Variants in SAMD12 observed in about 807,000 individuals in gnomAD.
SAMD12 encodes the protein sterile alpha motif domain-containing protein 12.
In SAMD12, 9 loss-of-function variants were observed where a neutral mutation model predicts 15.0. The ratio of observed to expected loss-of-function variants is 0.60; its 90% CI spans 0.36 to 1.05. The LOEUF is 1.05. Ranked by LOEUF, SAMD12 falls within the 50% of genes least tolerant of loss-of-function variation. SAMD12 has a pLI of 0.01. For missense variants in SAMD12, 230 were observed against 234.2 expected, an observed-to-expected ratio of 0.98 and a Z score of 0.12; for synonymous variants, 86 against 90.1, an observed-to-expected ratio of 0.96 and a Z score of 0.25.
intron 4 of SAMD12, among the ~76,000 whole-genome samples, chr8:118,254,945 T>C (rs1812899506): frequency 6.6e-6 from 1 of 152,058 alleles, no homozygotes; most frequent in Non-Finnish European, 1.5e-5. Flanking sequence ...GTTTCCCTTA[T>C]TTCTTTCCCC....
At chr8:118,300,469 G>T (rs1035390746) in intron 4 of SAMD12, among the ~76,000 whole-genome samples, 10 of 152,178 alleles carry the variant, frequency 6.6e-5, no homozygotes, top group African/African-American at 2.4e-4. Context: ...AGAGAGTGAA[G>T]GACCATGCAG....
chr8:118,479,875 G>A (rs1008561990), intron 2 of SAMD12, among the ~76,000 whole-genome samples: 2 of 151,920 alleles, frequency 1.3e-5, no homozygotes, highest in Non-Finnish European at 2.9e-5. Flanking sequence ...CACTATCACA[G>A]GCCCTCTTAG....
chr8:118,243,431 A>G (rs192116548), intron 4 of SAMD12, among the ~76,000 whole-genome samples: 12 of 151,920 alleles, frequency 7.9e-5, no homozygotes, highest in Non-Finnish European at 1.8e-4. Context: ...TGAGATGCAA[A>G]AAGATAACCT....
intron 4 of SAMD12, among the ~76,000 whole-genome samples, chr8:118,355,287 T>G (rs752110694): frequency 6.6e-6 from 1 of 151,960 alleles, no homozygotes; most frequent in Non-Finnish European, 1.5e-5. Context: ...AACTCAGGAG[T>G]GGAAAGCCAA....
chr8:118,251,201 C>G (rs562586284), intron 4 of SAMD12, among the ~76,000 whole-genome samples: 1 of 152,054 alleles, frequency 6.6e-6, no homozygotes, highest in Non-Finnish European at 1.5e-5. Context: ...GGGAAGTGAT[C>G]TATGATTATT....
At chr8:118,252,186 C>G (rs1402402050) in intron 4 of SAMD12, among the ~76,000 whole-genome samples, 1 of 152,112 alleles carries the variant, frequency 6.6e-6, no homozygotes, top group African/African-American at 2.4e-5. Context: ...GTGTTTTCTT[C>G]CTTATGCTCA....
intron 4 of SAMD12, among the ~76,000 whole-genome samples, chr8:118,353,715 C>T (rs1044687493): frequency 3.9e-5 from 6 of 152,092 alleles, no homozygotes; most frequent in Non-Finnish European, 8.8e-5. Flanking sequence ...CATTTCCTTT[C>T]CCCACCCCTC....
chr8:118,534,355 G>A, intron 2 of SAMD12, among the ~76,000 whole-genome samples: 1 of 152,066 alleles, frequency 6.6e-6, no homozygotes, highest in Admixed American at 6.6e-5. Flanking sequence ...ACCCGACCTT[G>A]CTCTCTGGCT....
At chr8:118,332,566 C>G (rs937487807) in intron 4 of SAMD12, among the ~76,000 whole-genome samples, 7 of 152,188 alleles carry the variant, frequency 4.6e-5, no homozygotes, top group Non-Finnish European at 5.9e-5. Flanking sequence ...ATAAGCATTG[C>G]AGTGATAGGA....
the SAMD12 span, among the ~76,000 whole-genome samples, chr8:118,179,905 C>T: frequency 6.6e-6 from 1 of 152,218 alleles, no homozygotes; most frequent in East Asian, 1.9e-4. Flanking sequence ...AGAGTCCAGA[C>T]CAGCATCTAC....
At chr8:118,384,682 A>G (rs183125912) in intron 3 of SAMD12, among the ~76,000 whole-genome samples, 3 of 152,164 alleles carry the variant, frequency 2.0e-5, no homozygotes, top group African/African-American at 7.2e-5. Context: ...CATTACTGCT[A>G]TTTTTTCTTT....
Position 118,379,364 on chromosome 8 carries a change from G to T in SAMD12, c.*53C>A. 6.3e-7 allele frequency: 1 copy of T among 1,576,100 alleles called. No homozygotes were observed. The highest frequency in any genetic ancestry group is 1.7e-5 in the Admixed American group (1 of 57,230). ...CTGTTTGCTCATCCATTACTTATTT[G>T]TGCATCCTTCTCCCTAGTGAGCTAT... On this transcript the variant is annotated 3_prime_UTR_variant, in exon 4 of 4. Transcript: ENST00000314727.
At chr8:118,354,214 A>G (rs1403021318) in intron 4 of SAMD12, among the ~76,000 whole-genome samples, 1 of 152,240 alleles carries the variant, frequency 6.6e-6, no homozygotes, top group Non-Finnish European at 1.5e-5. Context: ...ATTATTTATA[A>G]AAGGCATAAA....
At chr8:118,397,071 A>G (rs548438554) in intron 3 of SAMD12, among the ~76,000 whole-genome samples, 1 of 152,352 alleles carries the variant, frequency 6.6e-6, no homozygotes, top group African/African-American at 2.4e-5. Flanking sequence ...TGGACATGTA[A>G]TAAATCCAAA....
At chr8:118,269,086 C>A (rs1813273866) in intron 4 of SAMD12, among the ~76,000 whole-genome samples, 1 of 151,820 alleles carries the variant, frequency 6.6e-6, no homozygotes, top group South Asian at 2.1e-4. Context: ...CATTATCTTG[C>A]TAATGTATCT....
At chr8:118,318,349 T>TATATATATATATATATATAC (rs1816050009) in intron 4 of SAMD12, among the ~76,000 whole-genome samples, 1 of 85,136 alleles carries the variant, frequency 1.2e-5, no homozygotes, top group Non-Finnish European at 2.7e-5. Flanking sequence ...TATATATATA[T>TATATATATATATATATATAC]ATATATACAT....
chr8:118,284,724 CGAGGT>C, intron 4 of SAMD12: 1 of 171,772 alleles, frequency 5.8e-6, no homozygotes, highest in South Asian at 1.3e-4. Flanking sequence ...GGGCAGATCA[CGAGGT>C]CAGGAGATCG....
intron 4 of SAMD12, among the ~76,000 whole-genome samples, chr8:118,268,254 C>T (rs562940845): frequency 2.8e-4 from 42 of 152,290 alleles, no homozygotes; most frequent in Admixed American, 6.5e-4. Context: ...CTATCACACA[C>T]GTTCTCCTTC....
downstream of SAMD12, among the ~76,000 whole-genome samples, chr8:118,185,775 T>C (rs1819233138): frequency 6.6e-6 from 1 of 152,218 alleles, no homozygotes; most frequent in Non-Finnish European, 1.5e-5. Context: ...GGCTGGGATG[T>C]GATAGGCTAA....
Sources: gnomAD v4.1 joint callset for allele counts (sites outside exome capture counted in the v4.1 genomes callset) on GRCh38, gnomAD v4.1.1 for gene constraint, MANE v1.5 for transcripts, NCBI Gene and HGNC (gene_info 2026-07-23, HGNC 2026-07-21) for gene names.